SEMA3G: variants seen among roughly 807,000 people sequenced by gnomAD.
The protein encoded by SEMA3G is semaphorin 3G.
SEMA3G carries 70 observed loss-of-function variants against 86.2 expected under a neutral mutation model. The ratio of observed to expected loss-of-function variants is 0.81; its 90% CI spans 0.67 to 0.99. The LOEUF is 0.99. Among genes scored for constraint, SEMA3G ranks in the 50% least tolerant of loss-of-function variants. The pLI is 0.00. For missense variants in SEMA3G, 1,002 were observed against 1,072.4 expected (o/e 0.93, Z 0.92); for synonymous variants, 416 against 441.4 (o/e 0.94, Z 0.72).
chr3:52,435,268 A>G lies in SEMA3G; in HGVS notation c.*335T>C, dbSNP rs1175822694. The G allele has an allele frequency of 5.7e-6, 2 of 349,156 alleles. No homozygotes were observed. Among genetic ancestry groups the G allele is most frequent in the Non-Finnish European group, 1.1e-5 (2 of 186,746 alleles). The allele number at this position is 349,156 out of a possible 1,614,324, so 21.6% of individuals were successfully genotyped here. ...AATGGCCATTGTTCTGTAGGCTGGG[A>G]AAGAACCACCCAACCCTCTTGCCTC... On this transcript the variant is annotated 3_prime_UTR_variant, in exon 16 of 16. Coordinates refer to ENST00000231721, the MANE Select transcript of SEMA3G (RefSeq NM_020163.3).
In SEMA3G at chr3:52,438,815, C is replaced by T. The variant is rs1706094211; in HGVS notation, c.1509+105G>A. ...AGGCCTGCCTCAGCACAGCTTTCCC[C>T]AGACTACAGTGGAGCTCGAGGAGGC... On this transcript the variant is annotated intron_variant, in intron 13 of 15. Coordinates refer to ENST00000231721, the MANE Select transcript of SEMA3G (RefSeq NM_020163.3). 3.2e-6 allele frequency: 5 copies of T among 1,546,888 alleles called. No homozygotes were observed. In the South Asian group the frequency reaches 3.7e-5, roughly 12 times the overall value.
At position 52,441,042 on chromosome 3, in the gene SEMA3G, C is replaced by T; in HGVS notation, c.820G>A (p.Ala274Thr). 1 of 1,593,880 alleles carries T rather than the reference C, an allele frequency of 6.3e-7. No homozygotes were observed. Among genetic ancestry groups the T allele is most frequent in the Non-Finnish European group, 8.5e-7 (1 of 1,175,872 alleles). ...SRVGRVCVND[A>T]GGQRVLVNKW... ...TTCACCAGCACCCGCTGGCCCCCAG[C>T]ATCATTCTGCAGGATAAGGGGCCAG... The change falls in exon 8 of 16, where the codon GCT becomes ACT. Residue 274 changes from alanine (A) to threonine (T), a missense_variant. By Grantham distance (58) the Ala-to-Thr change is moderately conservative (BLOSUM62 0). Coordinates refer to ENST00000231721, the MANE Select transcript of SEMA3G (RefSeq NM_020163.3).
chr3:52,440,172 AC>A, intron 10 of SEMA3G, 74 bp from the exon 11 acceptor site: 1 of 1,338,960 alleles, frequency 7.5e-7, no homozygotes. Context: ...GTCTGTTTCC[AC>A]CCCAACCAGG....
In SEMA3G at chr3:52,442,022, C is replaced by T. The variant is rs1466367918; in HGVS notation, c.460-113G>A. 18 of 1,299,814 alleles carry T rather than the reference C, an allele frequency of 1.4e-5. No homozygotes were observed. The highest frequency in any genetic ancestry group is 1.3e-4 in the East Asian group (5 of 39,546). The allele number at this position is 1,299,814 out of a possible 1,614,324, so 80.5% of individuals were successfully genotyped here. On this transcript the variant is annotated intron_variant, in intron 4 of 15. Coordinates refer to ENST00000231721, the MANE Select transcript of SEMA3G (RefSeq NM_020163.3). The surrounding 1 kb of genome is among the most constrained non-coding windows in gnomAD (Gnocchi z 6.1). Reference sequence around the variant, plus strand: ...CCAGAGAGCGGGGGTGGGCGGAAGGCGTCCTCATCCAGGGCCCCTCTAATG... The same window carrying T: ...CCAGAGAGCGGGGGTGGGCGGAAGGTGTCCTCATCCAGGGCCCCTCTAATG...
Position 52,442,818 on chromosome 3 carries a change from G to GGTCTCGGTACTC in SEMA3G, c.193_204dup (p.Glu65_Asp68dup). On this transcript the variant is annotated inframe_insertion, in exon 2 of 16. Transcript: ENST00000231721. This position sits in a 1 kb window ranked among gnomAD's most constrained non-coding sequence, Gnocchi z 6.1. Reference sequence around the variant, plus strand: ...GCGTCCAGGCCACCCAGAAAGAGGCGGTCTCGGTACTCATCTAGGTACATG... The same window carrying GGTCTCGGTACTC: ...GCGTCCAGGCCACCCAGAAAGAGGCGGTCTCGGTACTCGTCTCGGTACTCATCTAGGTACATG... The GGTCTCGGTACTC allele has an allele frequency of 6.2e-7, 1 of 1,613,512 alleles. No homozygotes were observed.
In SEMA3G at chr3:52,435,779, A is replaced by G. The variant is rs1559607940; in HGVS notation, c.2173T>C (p.Tyr725His). The G allele has an allele frequency of 1.2e-6, 2 of 1,613,936 alleles. No individual in the cohort carries two copies. Among genetic ancestry groups the G allele is most frequent in the East Asian group, 2.2e-5 (1 of 44,860 alleles). The change falls in exon 16 of 16, where the codon TAC (tyrosine) becomes CAC (histidine). Residue 725 changes from tyrosine (Y) to histidine (H), a missense_variant. Physicochemically the swap from Tyr to His is moderately conservative, Grantham distance 83 (BLOSUM62 2). Transcript: ENST00000231721. The part of the protein sequence containing the change: ...GFANLPRVDE[Y>H]CERVWCRGTT... ...CCCCTGCACCACACGCGCTCACAGT[A>G]CTCATCCACCCGGGGCAGGTTGGCG...
At position 52,439,762 on chromosome 3, in the gene SEMA3G, G is replaced by A; in HGVS notation, c.1385C>T (p.Ser462Phe). 1 of 1,613,898 alleles carries A rather than the reference G, an allele frequency of 6.2e-7. No homozygotes were observed. The highest frequency in any genetic ancestry group is 8.5e-7 in the Non-Finnish European group (1 of 1,179,974). ...DVIFLGTDSG[S>F]VLKVIALQAG... ...CTGGAGAGCGATGACTTTGAGCACA[G>A]ACCCTGAGTCTGGGGCCAGGGAGGA... Residue 462 changes from serine to phenylalanine, a missense_variant, in exon 12 of 16, where the codon TCT (serine) becomes TTT (phenylalanine). Physicochemically the swap from Ser to Phe is radical, Grantham distance 155. Coordinates refer to ENST00000231721, the MANE Select transcript of SEMA3G (RefSeq NM_020163.3).
Position 52,442,158 on chromosome 3 carries a change from C to T in SEMA3G, c.459+27G>A. 1 of 1,605,280 alleles carries T rather than the reference C, an allele frequency of 6.2e-7. No individual in the cohort carries two copies. Among genetic ancestry groups the T allele is most frequent in the Non-Finnish European group, 8.5e-7 (1 of 1,174,878 alleles). On this transcript the variant is annotated intron_variant, in intron 4 of 15. Coordinates refer to ENST00000231721, the MANE Select transcript of SEMA3G (RefSeq NM_020163.3). The surrounding 1 kb of genome is among the most constrained non-coding windows in gnomAD (Gnocchi z 6.1). ...GGAGGAAATGTCACTGCCTCCCAGT[C>T]CCTTGTGGGGCCTGGCCCAGGCTCA...
chr3:52,442,713 C>T lies in SEMA3G; in HGVS notation c.276+34G>A, dbSNP rs749698099. 5.6e-5 allele frequency: 90 copies of T among 1,613,508 alleles called. No individual in the cohort carries two copies. The highest frequency in any genetic ancestry group is 7.5e-5 in the Non-Finnish European group (89 of 1,179,714). Reference sequence around the variant, plus strand: ...CTCCCATCTGGAGGTGCCCAGTTCTCAAACAGACCCTCTTCCCTGCCAGTC... The same window carrying T: ...CTCCCATCTGGAGGTGCCCAGTTCTTAAACAGACCCTCTTCCCTGCCAGTC... On this transcript the variant is annotated intron_variant, in intron 2 of 15. Transcript: ENST00000231721. This position sits in a 1 kb window ranked among gnomAD's most constrained non-coding sequence, Gnocchi z 6.1.
chr3:52,436,629 G>A (rs1309207339), intron 15 of SEMA3G, among the ~76,000 whole-genome samples: 1 of 152,240 alleles, frequency 6.6e-6, no homozygotes, highest in Non-Finnish European at 1.5e-5. Context: ...CGAGCTGACA[G>A]CCCCAGCCCA....
rs1379750381 is a variant in SEMA3G at position 52,444,864 on chromosome 3, C to T, written c.115+49G>A. 4.7e-6 allele frequency: 6 copies of T among 1,275,640 alleles called. No individual in the cohort carries two copies. In the East Asian group the frequency reaches 1.9e-4, roughly 40 times the overall value. The allele number at this position is 1,275,640 out of a possible 1,614,324, so 79.0% of individuals were successfully genotyped here. ...CACATGCACCCAAACAGAGCGCACA[C>T]ACACAAACAGGGCACATGCACACAA... is the stretch of plus-strand genomic sequence containing the variant. On this transcript the variant is annotated intron_variant, in intron 1 of 15. Transcript: ENST00000231721.
Position 52,442,959 on chromosome 3 carries a change from C to A in SEMA3G, c.116-52G>T. ...CAGGGCCACAGCTCAGCCTAGTTCC[C>A]CAGCCAAGGAGTGGAGGTGGAGGCC... On this transcript the variant is annotated intron_variant, in intron 1 of 15. Coordinates refer to ENST00000231721, the MANE Select transcript of SEMA3G (RefSeq NM_020163.3). This position sits in a 1 kb window ranked among gnomAD's most constrained non-coding sequence, Gnocchi z 6.1. The A allele has an allele frequency of 6.4e-7, 1 of 1,554,620 alleles. No individual in the cohort carries two copies. The highest frequency in any genetic ancestry group is 1.2e-5 in the South Asian group (1 of 84,354).
intron 1 of SEMA3G, among the ~76,000 whole-genome samples, chr3:52,443,768 TC>T (rs1706206001): frequency 6.6e-6 from 1 of 152,106 alleles, no homozygotes; most frequent in Non-Finnish European, 1.5e-5. Flanking sequence ...CAGTCTGACC[TC>T]CCCGCAAAAC....
intron 1 of SEMA3G, among the ~76,000 whole-genome samples, chr3:52,444,386 G>A (rs1706218953): frequency 6.6e-6 from 1 of 151,980 alleles, no homozygotes; most frequent in Non-Finnish European, 1.5e-5. Context: ...GAGCTGTGCA[G>A]GGAGAGGCTC....
chr3:52,441,136 G>T, intron 7 of SEMA3G, 88 bp from the exon 8 acceptor site: 2 of 1,469,238 alleles, frequency 1.4e-6, no homozygotes, highest in Non-Finnish European at 1.8e-6. Flanking sequence ...CTCGGGGAGA[G>T]GTATGCATGT....
Position 52,440,052 on chromosome 3 carries a change from G to T in SEMA3G, c.1190C>A (p.Thr397Asn), listed in dbSNP as rs559824464. ...CAGCACCTCATCTGGGTAGTCCTTGGTGCTGCCAAAAGGCCGTCCTGGCTG... is the reference window on the plus strand; with the variant it reads ...CAGCACCTCATCTGGGTAGTCCTTGTTGCTGCCAAAAGGCCGTCCTGGCTG... Reference protein sequence around the residue: ...TAQPGRPFGSTKDYPDEVLQF... With the variant: ...TAQPGRPFGSNKDYPDEVLQF... Residue 397 changes from threonine (T) to asparagine (N), a missense_variant, in exon 11 of 16, where the codon ACC becomes AAC. Thr to Asn is a moderately conservative substitution (Grantham distance 65, BLOSUM62 0). Transcript: ENST00000231721. 1.9e-6 allele frequency: 3 copies of T among 1,600,056 alleles called. No individual in the cohort carries two copies. Among genetic ancestry groups the T allele is most frequent in the African/African-American group, 1.3e-5 (1 of 74,712 alleles).
At position 52,440,452 on chromosome 3, in the gene SEMA3G, G is replaced by T; in HGVS notation, c.1068C>A (p.Pro356=). The T allele has an allele frequency of 6.2e-7, 1 of 1,609,720 alleles. No individual in the cohort carries two copies. Residue 356 remains proline (P), a synonymous_variant, in exon 10 of 16, where the codon CCC becomes CCA. Coordinates refer to ENST00000231721, the MANE Select transcript of SEMA3G (RefSeq NM_020163.3). Reference sequence around the variant, plus strand: ...GCTGAGGCCCATCTCGGTGGGCAAAGGGCCCGTTGAAAACCTCCCAGATGT... The same window carrying T: ...GCTGAGGCCCATCTCGGTGGGCAAATGGCCCGTTGAAAACCTCCCAGATGT... The part of the protein sequence containing the change: ...MADIWEVFNG[P]FAHRDGPQHQ...
chr3:52,438,785 G>C (rs533836082), intron 13 of SEMA3G, 135 bp downstream of exon 13: 2 of 1,493,010 alleles, frequency 1.3e-6, no homozygotes, highest in African/African-American at 2.8e-5. Flanking sequence ...TTGCAGGGGC[G>C]AATCAGGCCT....
chr3:52,435,563 G>A lies in SEMA3G; in HGVS notation c.*40C>T. The A allele has an allele frequency of 6.4e-7, 1 of 1,559,180 alleles. No individual in the cohort carries two copies. The highest frequency in any genetic ancestry group is 8.7e-7 in the Non-Finnish European group (1 of 1,148,228). On this transcript the variant is annotated 3_prime_UTR_variant, in exon 16 of 16. Transcript: ENST00000231721. The stretch of plus-strand genomic sequence containing the variant: ...GGGAGATGCTGGGGGCTGCTAGTGG[G>A]CCCCCCAGCCCATCCTGACCACCCC...
Sources: gnomAD v4.1 joint callset for allele counts (sites outside exome capture counted in the v4.1 genomes callset) on GRCh38, gnomAD v4.1.1 for gene constraint, Gnocchi (gnomAD v3.1) non-coding constraint, MANE v1.5 for transcripts, NCBI Gene and HGNC (gene_info 2026-07-23, HGNC 2026-07-21) for gene names.